Variants in MTRF1 observed in about 807,000 individuals in gnomAD.
MTRF1 encodes the protein mitochondrial translation release factor 1.
A neutral mutation model predicts 62.9 loss-of-function variants in MTRF1; 51 were observed. That is an observed-to-expected ratio of 0.81 (90% CI 0.65 to 1.02). The LOEUF (loss-of-function observed/expected upper bound fraction) is 1.02. Ranked by LOEUF, MTRF1 falls within the 50% of genes least tolerant of loss-of-function variation. The pLI is 0.00. For missense variants in MTRF1, 446 were observed against 530.0 expected, an observed-to-expected ratio of 0.84 and a Z score of 1.56; for synonymous variants, 158 against 181.9, an observed-to-expected ratio of 0.87 and a Z score of 1.06.
the MTRF1 span, among the ~76,000 whole-genome samples, chr13:41,308,932 G>A: frequency 3.3e-5 from 5 of 152,056 alleles, no homozygotes; most frequent in Non-Finnish European, 7.4e-5. Flanking sequence ...GTGTCCATGG[G>A]TACTCAGTGT....
chr13:41,217,678 T>C (rs1015940700), intron 9 of MTRF1, among the ~76,000 whole-genome samples: 1 of 152,234 alleles, frequency 6.6e-6, no homozygotes, highest in African/African-American at 2.4e-5. Context: ...ACTCACATTA[T>C]GTTATTTCCC....
At chr13:41,270,669 A>C in the MTRF1 span, among the ~76,000 whole-genome samples, 1 of 152,224 alleles carries the variant, frequency 6.6e-6, no homozygotes, top group South Asian at 2.1e-4. Flanking sequence ...GAGAAAAATT[A>C]AAATGAATGT....
the MTRF1 span, chr13:41,288,144 A>T: frequency 7.8e-6 from 4 of 510,188 alleles, no homozygotes; most frequent in East Asian, 1.7e-4. Context: ...TCTTGTCCAG[A>T]TGTATCCCAT....
intron 2 of MTRF1, among the ~76,000 whole-genome samples, chr13:41,256,473 C>T (rs370413483): frequency 1.2e-4 from 18 of 152,048 alleles, no homozygotes; most frequent in African/African-American, 3.4e-4. Flanking sequence ...ATTACAGGCG[C>T]GCACCACCAC....
At chr13:41,235,092 AT>A (rs58626397) in intron 6 of MTRF1, 86,320 of 142,738 alleles carry the variant, frequency 0.6, 25,688 homozygotes, top group Admixed American at 0.64. Flanking sequence ...AATTTAGCTA[AT>A]TTTTTTTTTT....
the MTRF1 span, among the ~76,000 whole-genome samples, chr13:41,281,478 A>T: frequency 6.6e-6 from 1 of 152,068 alleles, no homozygotes. Flanking sequence ...GCCCATTTGT[A>T]GTCCCGAGTG....
the MTRF1 span, among the ~76,000 whole-genome samples, chr13:41,309,652 A>G: frequency 6.6e-6 from 1 of 152,154 alleles, no homozygotes; most frequent in Admixed American, 6.5e-5. Flanking sequence ...TGAAAGAAAA[A>G]AAAAGACTCC....
chr13:41,263,830 A>G (rs899965688), upstream of MTRF1, among the ~76,000 whole-genome samples: 1 of 152,072 alleles, frequency 6.6e-6, no homozygotes, highest in Non-Finnish European at 1.5e-5. Context: ...GGGAGGGGCC[A>G]AGGTGGGACT....
chr13:41,309,127 T>C, the MTRF1 span, among the ~76,000 whole-genome samples: 1 of 152,162 alleles, frequency 6.6e-6, no homozygotes, highest in Admixed American at 6.5e-5. Flanking sequence ...CCGATGGGCA[T>C]CTAGGTTACT....
At chr13:41,258,022 C>A (rs934216207) in intron 2 of MTRF1, among the ~76,000 whole-genome samples, 2 of 152,074 alleles carry the variant, frequency 1.3e-5, no homozygotes, top group African/African-American at 4.8e-5. Flanking sequence ...ATGATACAAC[C>A]AAGGCTGAAA....
At chr13:41,218,613 C>T (rs1026463204) in intron 9 of MTRF1, among the ~76,000 whole-genome samples, 2 of 152,134 alleles carry the variant, frequency 1.3e-5, no homozygotes, top group East Asian at 3.8e-4. Context: ...TCCTGTATAA[C>T]AGAAATTCTG....
chr13:41,273,331 A>C, the MTRF1 span, among the ~76,000 whole-genome samples: 5 of 151,976 alleles, frequency 3.3e-5, no homozygotes, highest in East Asian at 1.9e-4. Context: ...GTCTCAAAAA[A>C]AAAAAAAAAA....
At chr13:41,302,686 C>T in the MTRF1 span, among the ~76,000 whole-genome samples, 1 of 151,740 alleles carries the variant, frequency 6.6e-6, no homozygotes, top group Non-Finnish European at 1.5e-5. Context: ...TGCACCACCA[C>T]GCCTGGCTAA....
Position 41,260,665 on chromosome 13 carries a change from G to A in MTRF1, c.243C>T (p.Asn81=). 1 of 1,614,106 alleles carries A rather than the reference G, an allele frequency of 6.2e-7. No individual in the cohort carries two copies. The highest frequency in any genetic ancestry group is 8.5e-7 in the Non-Finnish European group (1 of 1,180,018). Residue 81 remains asparagine, a synonymous_variant, in exon 2 of 10, where the codon AAC becomes AAT. Coordinates refer to ENST00000379480, the MANE Select transcript of MTRF1 (RefSeq NM_004294.4). ...CAAGTGTTTGGTACTCCTTACTCAG[G>A]TTCTCCATATATTTCTGTAGTGCTT... ...KHKALQKYME[N]LSKEYQTLEQ... is the part of the protein sequence containing the mutation.
At chr13:41,270,725 A>G in the MTRF1 span, among the ~76,000 whole-genome samples, 1 of 146,454 alleles carries the variant, frequency 6.8e-6, no homozygotes, top group Admixed American at 7.1e-5. Flanking sequence ...AAGGCTTTTT[A>G]TTATTTTTTA....
At chr13:41,266,951 G>A (rs947570665), upstream of MTRF1, among the ~76,000 whole-genome samples, 5 of 145,312 alleles carry the variant, frequency 3.4e-5, no homozygotes, top group African/African-American at 1.3e-4. Context: ...GCTGAGATCA[G>A]GGGCCACTGC....
intron 2 of MTRF1, among the ~76,000 whole-genome samples, 159 bp from the exon 3 acceptor site, chr13:41,254,779 C>A (rs2039502125): frequency 6.6e-6 from 1 of 151,374 alleles, no homozygotes; most frequent in African/African-American, 2.4e-5. Flanking sequence ...TGTCAATTAA[C>A]AAGTATTTGC....
At chr13:41,233,333 T>C (rs2035923058) in intron 7 of MTRF1, among the ~76,000 whole-genome samples, 2 of 152,174 alleles carry the variant, frequency 1.3e-5, no homozygotes, top group Non-Finnish European at 2.9e-5. Flanking sequence ...TGTTGGTTTT[T>C]TTGTTATAGG....
chr13:41,256,080 A>G (rs905570757), intron 2 of MTRF1, among the ~76,000 whole-genome samples: 3 of 152,194 alleles, frequency 2.0e-5, no homozygotes, highest in Non-Finnish European at 4.4e-5. Flanking sequence ...AGCTTTCAAC[A>G]TTTAACATTT....
Sources: gnomAD v4.1 joint callset for allele counts (sites outside exome capture counted in the v4.1 genomes callset) on GRCh38, gnomAD v4.1.1 for gene constraint, MANE v1.5 for transcripts, NCBI Gene and HGNC (gene_info 2026-07-23, HGNC 2026-07-21) for gene names.